SLC37A1: variants seen among roughly 807,000 people sequenced by gnomAD.
SLC37A1 encodes the protein glucose-6-phosphate exchanger SLC37A1.
SLC37A1 carries 49 observed loss-of-function variants against 75.3 expected under a neutral mutation model. That is an observed-to-expected ratio of 0.65 (90% confidence interval 0.52 to 0.83). SLC37A1 has a LOEUF of 0.83. SLC37A1 is among the 40% of genes least tolerant of loss of function. SLC37A1 has a pLI of 0.00. For missense variants in SLC37A1, 566 were observed against 695.0 expected (o/e 0.81, Z 2.09); for synonymous variants, 268 against 292.1 (o/e 0.92, Z 0.84).
chr21:42,504,104 G>A (rs1328767685), intron 2 of SLC37A1, among the ~76,000 whole-genome samples: 1 of 152,242 alleles, frequency 6.6e-6, no homozygotes, highest in Non-Finnish European at 1.5e-5. Flanking sequence ...CATTTAGAAT[G>A]TGATTCACTA....
In SLC37A1 at chr21:42,568,381, G is replaced by A; in HGVS notation, c.1366G>A (p.Gly456Ser). The A allele has an allele frequency of 6.8e-6, 11 of 1,614,128 alleles. No homozygotes were observed. The highest frequency in any genetic ancestry group is 9.3e-6 in the Non-Finnish European group (11 of 1,180,008). Residue 456 changes from glycine to serine, a missense_variant, in exon 17 of 20, where the codon GGC becomes AGC. Coordinates refer to ENST00000352133, the MANE Select transcript of SLC37A1 (RefSeq NM_001320537.2). ...CTAGGGGACTCATAAAAGTCTGAAA[G>A]GCAACGCGCACGCCCTCTCCACCGT... ...ADLGTHKSLK[G>S]NAHALSTVTA...
chr21:42,539,540 A>T lies in SLC37A1; in HGVS notation c.379A>T (p.Arg127Trp), dbSNP rs754669901. The T allele has an allele frequency of 6.2e-7, 1 of 1,613,284 alleles. No individual in the cohort carries two copies. The highest frequency in any genetic ancestry group is 1.3e-5 in the African/African-American group (1 of 74,866). Residue 127 changes from arginine (R) to tryptophan (W), a missense_variant, in exon 6 of 20, where the codon AGG becomes TGG. Transcript: ENST00000352133. Reference protein sequence around the residue: ...SGIIGERLPIRYYLTFGMLAS... With the variant: ...SGIIGERLPIWYYLTFGMLAS... ...CATCATTGGGGAGCGCCTGCCGATT[A>T]GGTATTACCTAACTTTCGGGATGCT... is the stretch of plus-strand genomic sequence containing the variant.
At position 42,554,059 on chromosome 21, in the gene SLC37A1, C is replaced by A. The variant is rs1240378068; in HGVS notation, c.769-3C>A. 1 of 1,591,758 alleles carries A rather than the reference C, an allele frequency of 6.3e-7. No homozygotes were observed. Among genetic ancestry groups the A allele is most frequent in the Non-Finnish European group, 8.5e-7 (1 of 1,171,308 alleles). ...GCTCTAATGAAACTTTTTTTTTTAC[C>A]AGCACTCAAAAGGCTATGAGAATGG... On this transcript the variant is annotated splice_polypyrimidine_tract_variant and splice_region_variant and intron_variant, in intron 9 of 19. Coordinates refer to ENST00000352133, the MANE Select transcript of SLC37A1 (RefSeq NM_001320537.2).
At chr21:42,572,024 G>A (rs2056185961) in intron 17 of SLC37A1, among the ~76,000 whole-genome samples, 2 of 152,182 alleles carry the variant, frequency 1.3e-5, no homozygotes, top group Admixed American at 6.5e-5. Flanking sequence ...CTCCTGTGGT[G>A]GAAACTGGCT....
intron 2 of SLC37A1, among the ~76,000 whole-genome samples, chr21:42,508,052 A>G (rs1042459155): frequency 6.6e-6 from 1 of 152,056 alleles, no homozygotes; most frequent in Non-Finnish European, 1.5e-5. Context: ...CCCAGAGGGA[A>G]CTTTAAAGAA....
chr21:42,530,656 C>CCCCCCCCCCCACACA (rs2054942872), intron 3 of SLC37A1, among the ~76,000 whole-genome samples: 1 of 23,472 alleles, frequency 4.3e-5, no homozygotes, highest in South Asian at 1.0e-3. Context: ...ACACACACAC[C>CCCCCCCCCCCACACA]CCCTCTGTGT....
In SLC37A1 at chr21:42,580,921, C is replaced by A; in HGVS notation, c.*561C>A. The stretch of plus-strand genomic sequence containing the variant: ...AAGACGGAGCTCAGACCCACCACAT[C>A]GCCCCAGAGGCTTTTCCAGCACCCA... On this transcript the variant is annotated 3_prime_UTR_variant, in exon 20 of 20. Transcript: ENST00000352133. 6.2e-6 allele frequency: 1 copy of A among 160,956 alleles called. No individual in the cohort carries two copies. Among genetic ancestry groups the A allele is most frequent in the Non-Finnish European group, 1.4e-5 (1 of 73,590 alleles). 10.0% of individuals were successfully genotyped at this position (160,956 alleles called of 1,614,324 possible).
chr21:42,500,745 A>G (rs530635056), intron 1 of SLC37A1, among the ~76,000 whole-genome samples: 7 of 152,330 alleles, frequency 4.6e-5, no homozygotes, highest in African/African-American at 1.7e-4. Context: ...ATTCATTAGC[A>G]CTAATATACA....
At chr21:42,555,985 G>C (rs1290187703) in intron 10 of SLC37A1, among the ~76,000 whole-genome samples, 2 of 152,206 alleles carry the variant, frequency 1.3e-5, no homozygotes, top group African/African-American at 4.8e-5. Flanking sequence ...CCCTTTCCCA[G>C]AGTGACCGCT....
chr21:42,533,380 AC>A (rs1308919276), intron 3 of SLC37A1, among the ~76,000 whole-genome samples: 2 of 152,182 alleles, frequency 1.3e-5, no homozygotes, highest in Non-Finnish European at 2.9e-5. Flanking sequence ...AATGATCACT[AC>A]AGAGACCCCT....
chr21:42,578,874 GTTT>G (rs753755388), intron 18 of SLC37A1, among the ~76,000 whole-genome samples: 63 of 152,250 alleles, frequency 4.1e-4, no homozygotes, highest in Middle Eastern at 3.4e-3. Flanking sequence ...CATGTGTTTG[GTTT>G]TTAAGTAGCC....
chr21:42,525,193 G>A (rs1201853857), intron 2 of SLC37A1, among the ~76,000 whole-genome samples: 2 of 152,224 alleles, frequency 1.3e-5, no homozygotes, highest in South Asian at 2.1e-4. Context: ...TGTATTCTTT[G>A]TAACATCGTT....
chr21:42,531,945 G>A (rs1231510740), intron 3 of SLC37A1, among the ~76,000 whole-genome samples: 1 of 152,126 alleles, frequency 6.6e-6, no homozygotes, highest in Non-Finnish European at 1.5e-5. Flanking sequence ...AGAGGCGCCC[G>A]GACTCACAGT....
chr21:42,503,626 A>G (rs1010913606), intron 2 of SLC37A1, among the ~76,000 whole-genome samples: 1 of 152,080 alleles, frequency 6.6e-6, no homozygotes, highest in African/African-American at 2.4e-5. Context: ...TTGGGTGACT[A>G]CCAGAAGTTC....
chr21:42,564,721 A>C lies in SLC37A1; in HGVS notation c.1149A>C (p.Ala383=), dbSNP rs138613912. The change falls in exon 14 of 20, where the codon GCA becomes GCC. Residue 383 remains alanine (A), a synonymous_variant. Transcript: ENST00000352133. ...TCTCCGTTGCAGGTGGGATCCTGGC[A>C]GGTGTGATCTCAGACCGACTGGAGA... ...DVGGIFGGIL[A]GVISDRLEKR... is the part of the protein sequence containing the mutation. 3,498 of 1,611,298 alleles carry C rather than the reference A, an allele frequency of 2.2e-3. 112 individuals are homozygous for C. In the Admixed American group the frequency reaches 0.056, roughly 26 times the overall value.
chr21:42,514,311 A>AGTCCCCGGC lies in SLC37A1; in HGVS notation c.-584_-576dup, dbSNP rs1471562314. Reference sequence around the variant, plus strand: ...CACGGGGCCGGCAGCCGCTCCACGGAGTCCCCGGCAGGGGCGAGCTTAGCT... The same window carrying AGTCCCCGGC: ...CACGGGGCCGGCAGCCGCTCCACGGAGTCCCCGGCGTCCCCGGCAGGGGCGAGCTTAGCT... On this transcript the variant is annotated 5_prime_UTR_variant, in exon 1 of 20. Transcript: ENST00000352133. The surrounding 1 kb of genome is among the most constrained non-coding windows in gnomAD (Gnocchi z 4.8). 2 of 152,082 alleles carry AGTCCCCGGC rather than the reference A, an allele frequency of 1.3e-5. No homozygotes were observed. Among genetic ancestry groups the AGTCCCCGGC allele is most frequent in the Non-Finnish European group, 2.9e-5 (2 of 68,010 alleles). The allele number at this position is 152,082 out of a possible 1,614,324, so 9.4% of individuals were successfully genotyped here. A position where few individuals can be genotyped will look rare whatever the true frequency, so the allele number is the denominator to read the frequency against.
Position 42,566,899 on chromosome 21 carries a change from C to T in SLC37A1, c.1271-86C>T, listed in dbSNP as rs2055992443. 4 of 1,406,350 alleles carry T rather than the reference C, an allele frequency of 2.8e-6. No homozygotes were observed. In the East Asian group the frequency reaches 9.8e-5, roughly 34 times the overall value. 87.1% of individuals were successfully genotyped at this position (1,406,350 alleles called of 1,614,324 possible). The stretch of plus-strand genomic sequence containing the variant: ...TCTGCTGCATCCCCTCCCTGTGCTC[C>T]CCAGGCGCCCACCTCAGGCTGCTCC... On this transcript the variant is annotated intron_variant, in intron 15 of 19. Coordinates refer to ENST00000352133, the MANE Select transcript of SLC37A1 (RefSeq NM_001320537.2).
At chr21:42,573,276 C>T (rs536406477) in intron 17 of SLC37A1, among the ~76,000 whole-genome samples, 46 of 152,298 alleles carry the variant, frequency 3.0e-4, no homozygotes, top group Non-Finnish European at 5.9e-4. Context: ...AAAGACTCAA[C>T]CCATGCACCT....
chr21:42,562,892 G>C (rs2146986187), intron 12 of SLC37A1, among the ~76,000 whole-genome samples: 1 of 152,300 alleles, frequency 6.6e-6, no homozygotes, highest in African/African-American at 2.4e-5. Flanking sequence ...ATCCGGCAAT[G>C]TCTCAAAGAG....
Sources: allele counts gnomAD v4.1 joint callset (sites outside exome capture counted in the v4.1 genomes callset), GRCh38; gene constraint gnomAD v4.1.1; non-coding constraint Gnocchi (gnomAD v3.1); transcripts MANE v1.5; gene names NCBI Gene and HGNC (gene_info 2026-07-23, HGNC 2026-07-21).